AKAP9: variants seen among roughly 807,000 people sequenced by gnomAD.
The protein encoded by AKAP9 is A-kinase anchor protein 9.
A neutral mutation model predicts 488.5 loss-of-function variants in AKAP9; 311 were observed. The ratio of observed to expected loss-of-function variants is 0.64; its 90% confidence interval spans 0.58 to 0.70. AKAP9 has a LOEUF of 0.70. Among genes scored for constraint, AKAP9 ranks in the 30% least tolerant of loss-of-function variants. The pLI is 0.00. For synonymous variants in AKAP9, 1,462 were observed against 1,483.5 expected (o/e 0.99, Z 0.33); for missense variants, 4,215 against 4,374.5 (o/e 0.96, Z 1.03).
At chr7:92,070,603 T>A (rs997526237) in intron 27 of AKAP9, among the ~76,000 whole-genome samples, 1 of 151,962 alleles carries the variant, frequency 6.6e-6, no homozygotes, top group Admixed American at 6.6e-5. Context: ...ACCAGCTGAT[T>A]TTTGTATTTT....
At chr7:92,063,894 C>T (rs993948146) in intron 24 of AKAP9, among the ~76,000 whole-genome samples, 3 of 152,084 alleles carry the variant, frequency 2.0e-5, no homozygotes, top group African/African-American at 7.2e-5. Context: ...GATTCTTCCA[C>T]CTCAGCCTCC....
In AKAP9 at chr7:92,003,163, ATCACTTAGAGCAAC is replaced by A; in HGVS notation, c.3250_3263del (p.Leu1084ThrfsTer3). ...ACTTACCATCTGTAACAAAGGAATCATCACTTAGAGCAACTCAACCAAGTGAAAATGATAAACTT... is the reference window on the plus strand; with the variant it reads ...ACTTACCATCTGTAACAAAGGAATCATCAACCAAGTGAAAATGATAAACTT... On this transcript the variant is annotated frameshift_variant, in exon 8 of 50. Coordinates refer to ENST00000356239, the MANE Select transcript of AKAP9 (RefSeq NM_005751.5). LOFTEE classifies it high-confidence loss of function. 1 of 1,611,474 alleles carries A rather than the reference ATCACTTAGAGCAAC, an allele frequency of 6.2e-7. No homozygotes were observed. The highest frequency in any genetic ancestry group is 8.5e-7 in the Non-Finnish European group (1 of 1,178,856).
intron 1 of AKAP9, among the ~76,000 whole-genome samples, chr7:91,970,714 G>T (rs1272860504): frequency 6.6e-6 from 1 of 152,086 alleles, no homozygotes; most frequent in Non-Finnish European, 1.5e-5. Flanking sequence ...GAAGTCTGTT[G>T]CCAGACGAAT....
chr7:91,983,584 G>A (rs193289187), intron 3 of AKAP9, among the ~76,000 whole-genome samples: 113 of 152,290 alleles, frequency 7.4e-4, no homozygotes, highest in African/African-American at 2.4e-3. Flanking sequence ...GGATCACTGG[G>A]TCAAATGGTA....
chr7:91,982,013 A>C (rs774946859), intron 3 of AKAP9, among the ~76,000 whole-genome samples: 4 of 152,152 alleles, frequency 2.6e-5, no homozygotes, highest in Non-Finnish European at 4.4e-5. Flanking sequence ...TTTACACTAA[A>C]GTGAATATTT....
chr7:91,955,835 T>A (rs1383127183), intron 1 of AKAP9, among the ~76,000 whole-genome samples: 1 of 152,138 alleles, frequency 6.6e-6, no homozygotes, highest in Non-Finnish European at 1.5e-5. Context: ...GGTCTCGCCG[T>A]GTTGGCCAGG....
At chr7:92,021,929 A>G (rs1802372426) in intron 12 of AKAP9, among the ~76,000 whole-genome samples, 1 of 152,230 alleles carries the variant, frequency 6.6e-6, no homozygotes, top group African/African-American at 2.4e-5. Flanking sequence ...ACCAAGGTAT[A>G]CTATAAATAT....
intron 8 of AKAP9, among the ~76,000 whole-genome samples, chr7:92,011,289 G>A (rs1423367005): frequency 6.6e-6 from 1 of 152,120 alleles, no homozygotes; most frequent in Admixed American, 6.5e-5. Context: ...TAAAGAATAT[G>A]AAAACTTATT....
At chr7:92,092,639 G>A (rs189386385) in intron 38 of AKAP9, 199 of 154,556 alleles carry the variant, frequency 1.3e-3, no homozygotes, top group African/African-American at 4.1e-3. Context: ...ATTTTTATAC[G>A]TTACCAACCC....
At chr7:92,093,064 T>C in intron 38 of AKAP9, 33 bp from the exon 39 acceptor site, 1 of 1,568,102 alleles carries the variant, frequency 6.4e-7, no homozygotes, top group Non-Finnish European at 8.8e-7. Context: ...AGTTGCTTGA[T>C]TATGTTTCAA....
intron 22 of AKAP9, among the ~76,000 whole-genome samples, chr7:92,053,459 T>C (rs1162241033): frequency 6.6e-6 from 1 of 152,152 alleles, no homozygotes; most frequent in African/African-American, 2.4e-5. Context: ...CTTAACAGGC[T>C]ACTAGAGAGA....
At chr7:92,071,928 G>A (rs1038621602) in intron 28 of AKAP9, among the ~76,000 whole-genome samples, 2 of 152,066 alleles carry the variant, frequency 1.3e-5, no homozygotes. Context: ...ACATAATACT[G>A]AGTAATGTTT....
chr7:92,065,582 G>A lies in AKAP9; in HGVS notation c.6210+119G>A, dbSNP rs1023818974. Reference sequence around the variant, plus strand: ...GAGTTAGTTTTTCAGTGTTTTATTAGGTGTCGAATCTACTAATCGATCAAA... The same window carrying A: ...GAGTTAGTTTTTCAGTGTTTTATTAAGTGTCGAATCTACTAATCGATCAAA... On this transcript the variant is annotated intron_variant, in intron 25 of 49. Coordinates refer to ENST00000356239, the MANE Select transcript of AKAP9 (RefSeq NM_005751.5). 96 of 717,688 alleles carry A rather than the reference G, an allele frequency of 1.3e-4. No homozygotes were observed. The Admixed American group carries it at 2.0e-3, about 15-fold the overall frequency. The allele number at this position is 717,688 out of a possible 1,614,324, so 44.5% of individuals were successfully genotyped here. A position where few individuals can be genotyped will look rare whatever the true frequency, so the allele number is the denominator to read the frequency against.
intron 10 of AKAP9, 100 bp from the exon 11 acceptor site, chr7:92,016,029 G>T (rs1801466590): frequency 1.1e-6 from 1 of 918,128 alleles, no homozygotes; most frequent in South Asian, 1.5e-5. Flanking sequence ...ATTTTTGTGT[G>T]CCATTTTGAC....
At chr7:92,103,903 G>T (rs191727240) in intron 46 of AKAP9, among the ~76,000 whole-genome samples, 40 of 152,132 alleles carry the variant, frequency 2.6e-4, no homozygotes, top group Admixed American at 1.4e-3. Flanking sequence ...AGCCTTTAAG[G>T]CATTGGATTT....
intron 46 of AKAP9, among the ~76,000 whole-genome samples, chr7:92,104,658 G>A (rs1349047304): frequency 6.6e-6 from 1 of 152,094 alleles, no homozygotes; most frequent in Non-Finnish European, 1.5e-5. Context: ...ATTCATGCTG[G>A]CTCTGGAAAC....
Position 92,089,507 on chromosome 7 carries a change from A to G in AKAP9, c.9336A>G (p.Gln3112=), listed in dbSNP as rs781504858. The G allele has an allele frequency of 1.9e-6, 3 of 1,613,534 alleles. No individual in the cohort carries two copies. The South Asian group carries it at 3.3e-5, about 18-fold the overall frequency. ...GGAAAATTACTCTGAAAAGAGAACA[A>G]GAGAGTGAGAAACCAAGCCAAGGTA... ...NGRKITLKRE[Q]ESEKPSQELL... is the part of the protein sequence containing the mutation. Residue 3112 remains glutamine, a synonymous_variant, in exon 38 of 50, where the codon CAA becomes CAG. Coordinates refer to ENST00000356239, the MANE Select transcript of AKAP9 (RefSeq NM_005751.5).
chr7:92,058,402 C>A (rs1027172697), intron 22 of AKAP9: 1 of 538,950 alleles, frequency 1.9e-6, no homozygotes. Context: ...CACTGCCTAC[C>A]CCTCCTTATT....
chr7:91,941,664 G>A (rs1014996766), intron 1 of AKAP9, among the ~76,000 whole-genome samples: 32 of 152,118 alleles, frequency 2.1e-4, no homozygotes, highest in African/African-American at 7.2e-4. Flanking sequence ...TGCCACAAGT[G>A]CCAGCTGTGA....
Sources: gnomAD v4.1 joint callset for allele counts (sites outside exome capture counted in the v4.1 genomes callset) on GRCh38, gnomAD v4.1.1 for gene constraint, MANE v1.5 for transcripts, NCBI Gene and HGNC (gene_info 2026-07-23, HGNC 2026-07-21) for gene names.